The following ADCY9 variants were observed in gnomAD, a reference collection of about 807,000 sequenced individuals.
ADCY9 encodes adenylate cyclase type 9.
In ADCY9, 50 loss-of-function variants were observed where a neutral mutation model predicts 101.5. That is an observed-to-expected ratio of 0.49 (90% CI 0.39 to 0.62). The LOEUF is 0.62. Among genes scored for constraint, ADCY9 ranks in the 20% least tolerant of loss-of-function variants. The pLI, the probability that ADCY9 is intolerant of heterozygous loss-of-function variation, is 0.00. For synonymous variants in ADCY9, 905 were observed against 769.3 expected, an observed-to-expected ratio of 1.18 and a Z score of -2.92; for missense variants, 1,662 against 1,800.4, an observed-to-expected ratio of 0.92 and a Z score of 1.39.
In ADCY9 at chr16:3,972,465, T is replaced by G. The variant is rs187619078; in HGVS notation, c.2870+2204A>C. Among the ~76,000 whole-genome samples, 575 of 152,268 alleles carry G rather than the reference T, an allele frequency of 3.8e-3. 2 individuals are homozygous for G. Among genetic ancestry groups the G allele is most frequent in the Non-Finnish European group, 6.2e-3 (425 of 68,020 alleles). On this transcript the variant is annotated intron_variant, in intron 10 of 10. Coordinates refer to ENST00000294016, the MANE Select transcript of ADCY9 (RefSeq NM_001116.4). Reference sequence around the variant, plus strand: ...TCAGGCTGGTCTCGAACTCCTGACCTCAGGTGATCCACCTGCCTCAGCCTC... The same window carrying G: ...TCAGGCTGGTCTCGAACTCCTGACCGCAGGTGATCCACCTGCCTCAGCCTC...
intron 6 of ADCY9, among the ~76,000 whole-genome samples, chr16:3,987,080 C>G (rs2056199566): frequency 6.6e-6 from 1 of 152,216 alleles, no homozygotes; most frequent in Non-Finnish European, 1.5e-5. Context: ...GGGTGCTGGC[C>G]CCACTCTCCA....
chr16:4,105,442 C>T (rs891703630), intron 2 of ADCY9, among the ~76,000 whole-genome samples: 2 of 151,506 alleles, frequency 1.3e-5, no homozygotes, highest in Admixed American at 6.6e-5. Flanking sequence ...GAGGCTGAGG[C>T]GGGCAGATCA....
intron 2 of ADCY9, among the ~76,000 whole-genome samples, chr16:4,063,210 A>G (rs1301223652): frequency 6.6e-6 from 1 of 152,212 alleles, no homozygotes; most frequent in Non-Finnish European, 1.5e-5. Flanking sequence ...GGACTCCCCA[A>G]CTACTTAGAA....
intron 2 of ADCY9, among the ~76,000 whole-genome samples, chr16:4,022,915 C>G (rs931668508): frequency 6.6e-6 from 1 of 152,224 alleles, no homozygotes; most frequent in African/African-American, 2.4e-5. Flanking sequence ...TAGACCTATT[C>G]TAAATCCTAC....
intron 2 of ADCY9, among the ~76,000 whole-genome samples, chr16:4,011,420 G>A (rs925162998): frequency 1.3e-5 from 2 of 152,328 alleles, no homozygotes; most frequent in East Asian, 1.9e-4. Flanking sequence ...GAGGCATGAG[G>A]CGTAGGACAA....
intron 9 of ADCY9, 135 bp downstream of exon 9, chr16:3,977,347 C>T (rs1436310334): frequency 4.4e-6 from 5 of 1,144,558 alleles, no homozygotes; most frequent in Non-Finnish European, 6.1e-6. Flanking sequence ...TGTGTGCTGA[C>T]AGCTATTTTG....
chr16:3,985,726 C>T (rs1033599782), intron 6 of ADCY9, among the ~76,000 whole-genome samples: 23 of 152,136 alleles, frequency 1.5e-4, no homozygotes, highest in African/African-American at 5.1e-4. Context: ...GTAGAACTGC[C>T]CCATCCATGG....
At chr16:3,990,690 T>G (rs1016419069) in intron 5 of ADCY9, among the ~76,000 whole-genome samples, 3 of 152,144 alleles carry the variant, frequency 2.0e-5, no homozygotes, top group African/African-American at 7.2e-5. Flanking sequence ...TCAGGGAGTG[T>G]GGACTGAGGG....
intron 2 of ADCY9, among the ~76,000 whole-genome samples, chr16:4,112,449 C>G (rs2057119923): frequency 6.6e-6 from 1 of 152,092 alleles, no homozygotes; most frequent in South Asian, 2.1e-4. Context: ...TACAGGAGCT[C>G]AGATCACAAG....
chr16:4,066,075 G>A (rs2056799482), intron 2 of ADCY9, among the ~76,000 whole-genome samples: 1 of 152,192 alleles, frequency 6.6e-6, no homozygotes. Flanking sequence ...GAACAGGGGC[G>A]CTTCTTCACC....
intron 2 of ADCY9, among the ~76,000 whole-genome samples, chr16:4,014,189 C>T (rs1409493494): frequency 6.6e-6 from 1 of 152,002 alleles, no homozygotes; most frequent in Non-Finnish European, 1.5e-5. Context: ...CGTGGTGGCA[C>T]ATGCCTGTAA....
intron 2 of ADCY9, among the ~76,000 whole-genome samples, chr16:4,108,108 G>A (rs191074800): frequency 7.2e-5 from 11 of 152,176 alleles, no homozygotes; most frequent in African/African-American, 1.9e-4. Flanking sequence ...GAGAGCGGAG[G>A]AGCATCTTCA....
intron 4 of ADCY9, 109 bp downstream of exon 4, chr16:3,993,296 AC>A: frequency 3.3e-6 from 5 of 1,525,044 alleles, no homozygotes; most frequent in Non-Finnish European, 4.4e-6. Context: ...GAGTGCTGTT[AC>A]CCAAGAGGAG....
At chr16:3,981,021 C>T (rs1017414101) in intron 7 of ADCY9, among the ~76,000 whole-genome samples, 1 of 152,158 alleles carries the variant, frequency 6.6e-6, no homozygotes, top group East Asian at 1.9e-4. Context: ...ATGGGGTGCC[C>T]GTATACCCCA....
intron 2 of ADCY9, among the ~76,000 whole-genome samples, chr16:4,025,306 G>A (rs1396344641): frequency 6.6e-6 from 1 of 151,310 alleles, no homozygotes; most frequent in East Asian, 1.9e-4. Flanking sequence ...CCCGGGAGGT[G>A]GAGGTTGCAG....
intron 2 of ADCY9, among the ~76,000 whole-genome samples, chr16:4,074,991 C>T (rs1032606306): frequency 1.3e-5 from 2 of 152,008 alleles, no homozygotes; most frequent in Admixed American, 6.6e-5. Context: ...GCCTGGGCAA[C>T]ATGGTGAGAC....
chr16:4,114,702 A>T lies in ADCY9; in HGVS notation c.741T>A (p.Cys247Ter), dbSNP rs776612058. The T allele has an allele frequency of 3.1e-6, 5 of 1,613,020 alleles. No homozygotes were observed. The African/African-American group carries it at 6.7e-5, about 22-fold the overall frequency. The change falls in exon 2 of 11, where the codon TGT becomes TGA. Residue 247 changes from cysteine (C) to a stop codon, truncating the protein, a stop_gained. Coordinates refer to ENST00000294016, the MANE Select transcript of ADCY9 (RefSeq NM_001116.4). LOFTEE classifies it high-confidence loss of function. The surrounding 1 kb of genome is among the most constrained non-coding windows in gnomAD (Gnocchi z 4.3). Reference sequence around the variant, plus strand: ...AAAGGACAGAGTAGGCCACCCCCAGACACAAACTCAGGTACAAAGGTAAGT... The same window carrying T: ...AAAGGACAGAGTAGGCCACCCCCAGTCACAAACTCAGGTACAAAGGTAAGT... ...VMHLPLYLSLCLGVAYSVLFE... is the reference protein window; with the variant it reads ...VMHLPLYLSL
At chr16:3,957,328 G>C (rs528433458) in intron 5 of ADCY9, among the ~76,000 whole-genome samples, 5 of 152,360 alleles carry the variant, frequency 3.3e-5, no homozygotes. Context: ...CTCGTTGGCA[G>C]AAAAGCATAG....
rs370945819 is a variant in ADCY9 at position 4,031,733 on chromosome 16, C to T, written c.1694-24175G>A. 3.1e-3 allele frequency among the ~76,000 whole-genome samples: 477 copies of T among 151,590 alleles called. 2 individuals are homozygous for T. The highest frequency in any genetic ancestry group is 0.011 in the African/African-American group (462 of 41,350). ...ACCACTGGCTAATACAAAAATTAAT[C>T]AGGCATGGTGGTGCACACCTGTAGT... On this transcript the variant is annotated intron_variant, in intron 2 of 10. Transcript: ENST00000294016.
Sources: allele counts gnomAD v4.1 joint callset (sites outside exome capture counted in the v4.1 genomes callset), GRCh38; gene constraint gnomAD v4.1.1; non-coding constraint Gnocchi (gnomAD v3.1); transcripts MANE v1.5; gene names NCBI Gene and HGNC (gene_info 2026-07-23, HGNC 2026-07-21).